NBDY: variants seen among roughly 807,000 people sequenced by gnomAD.
NBDY encodes the protein negative regulator of P-body association, also known as P-body dissociating protein.
At chrX:56,784,957 T>C (rs2069718606) in intron 2 of NBDY, among the ~76,000 whole-genome samples, 1 of 112,336 alleles carries the variant, frequency 8.9e-6, no homozygotes, top group Non-Finnish European at 1.9e-5. Context: ...TCTTCAAATA[T>C]TGCAAATGTT....
chrX:56,766,672 T>G (rs1246055901), intron 2 of NBDY, among the ~76,000 whole-genome samples: 1 of 111,880 alleles, frequency 8.9e-6, no homozygotes, highest in Admixed American at 9.4e-5. Flanking sequence ...TGCCATTTAT[T>G]GGGCAACTAG....
At chrX:56,808,349 T>C (rs2069865648) in intron 2 of NBDY, among the ~76,000 whole-genome samples, 1 of 112,046 alleles carries the variant, frequency 8.9e-6, no homozygotes. Flanking sequence ...CTCCTCTTTG[T>C]ACCTCTGGTA....
chrX:56,767,164 A>G lies in NBDY; in HGVS notation c.*166+34965A>G, dbSNP rs750318052. 8.8e-5 allele frequency among the ~76,000 whole-genome samples: 10 copies of G among 113,600 alleles called. No individual in the cohort carries two copies. In the East Asian group the frequency reaches 2.5e-3, roughly 28 times the overall value. ...GTCCTTCTGCCGTTTTCCAGTAGCCATGATTATACGTCCTTTCTCTTTTAC... is the reference window on the plus strand; with the variant it reads ...GTCCTTCTGCCGTTTTCCAGTAGCCGTGATTATACGTCCTTTCTCTTTTAC... On this transcript the variant is annotated intron_variant, in intron 2 of 2. Transcript: ENST00000374922.
chrX:56,781,459 G>T (rs1011253057), intron 2 of NBDY, among the ~76,000 whole-genome samples: 1 of 111,646 alleles, frequency 9.0e-6, no homozygotes. Context: ...CCGGGATTTA[G>T]GGGCTTATGC....
At chrX:56,787,151 C>T (rs1243220228) in intron 2 of NBDY, among the ~76,000 whole-genome samples, 6 of 111,097 alleles carry the variant, frequency 5.4e-5, no homozygotes, top group Admixed American at 3.9e-4. Context: ...TGCTGACTCT[C>T]ACTAACAAAG....
At chrX:56,785,470 C>T (rs2069722199) in intron 2 of NBDY, among the ~76,000 whole-genome samples, 1 of 111,276 alleles carries the variant, frequency 9.0e-6, no homozygotes, top group South Asian at 3.8e-4. Context: ...TCTGGCCAGA[C>T]ACCTTCATTC....
At chrX:56,781,455 T>A (rs1412091267) in intron 2 of NBDY, among the ~76,000 whole-genome samples, 1 of 111,419 alleles carries the variant, frequency 9.0e-6, no homozygotes, top group Non-Finnish European at 1.9e-5. Flanking sequence ...AGACCCGGGA[T>A]TTAGGGGCTT....
intron 2 of NBDY, among the ~76,000 whole-genome samples, chrX:56,808,166 G>A (rs1050638972): frequency 2.7e-5 from 3 of 111,965 alleles, no homozygotes; most frequent in East Asian, 2.8e-4. Context: ...GGATGAAGCC[G>A]ACTTGATCGT....
chrX:56,748,863 G>T (rs2069569718), intron 2 of NBDY, among the ~76,000 whole-genome samples: 1 of 100,933 alleles, frequency 9.9e-6, no homozygotes, highest in Non-Finnish European at 2.0e-5. Context: ...GATGGGATGA[G>T]AATGGAGGAT....
chrX:56,765,566 C>T (rs901141443), intron 2 of NBDY, among the ~76,000 whole-genome samples: 3 of 111,656 alleles, frequency 2.7e-5, no homozygotes, highest in Admixed American at 9.4e-5. Flanking sequence ...TATGTCACCA[C>T]GCGTTGAGGC....
At chrX:56,798,965 G>A (rs753977333) in intron 2 of NBDY, among the ~76,000 whole-genome samples, 99 of 112,167 alleles carry the variant, frequency 8.8e-4, no homozygotes, top group African/African-American at 3.1e-3. Context: ...ACTGTACTTG[G>A]CGTTTGTGGA....
At chrX:56,767,623 G>A (rs113104301) in intron 2 of NBDY, among the ~76,000 whole-genome samples, 11,299 of 113,182 alleles carry the variant, frequency 0.1, 1,136 homozygotes, top group African/African-American at 0.3. Context: ...GCAGTGAGGG[G>A]CTTAGCAACT....
chrX:56,800,738 G>C (rs1408896821), intron 2 of NBDY, among the ~76,000 whole-genome samples: 5 of 110,835 alleles, frequency 4.5e-5, no homozygotes, highest in Non-Finnish European at 9.4e-5. Context: ...CTGGTTTAGG[G>C]AGTTCAGGAT....
At chrX:56,787,918 TCTC>T (rs780492589) in intron 2 of NBDY, among the ~76,000 whole-genome samples, 7 of 112,730 alleles carry the variant, frequency 6.2e-5, no homozygotes, top group Non-Finnish European at 1.3e-4. Flanking sequence ...CCTTGGGAAG[TCTC>T]CTAGTCTGGG....
At chrX:56,744,331 T>A (rs183848730) in intron 2 of NBDY, among the ~76,000 whole-genome samples, 1 of 111,815 alleles carries the variant, frequency 8.9e-6, no homozygotes, top group Admixed American at 9.5e-5. Flanking sequence ...TCTGTAAATA[T>A]CTGTTAGGTC....
intron 1 of NBDY, among the ~76,000 whole-genome samples, chrX:56,731,392 C>G (rs1194110732): frequency 1.2e-5 from 1 of 84,354 alleles, no homozygotes; most frequent in Non-Finnish European, 2.4e-5. Flanking sequence ...AACCCCATCT[C>G]TACTAAAAGT....
chrX:56,794,587 A>G (rs1347482370), intron 2 of NBDY, among the ~76,000 whole-genome samples: 1 of 106,764 alleles, frequency 9.4e-6, no homozygotes, highest in Non-Finnish European at 1.9e-5. Flanking sequence ...AGAGGATCCT[A>G]TCCTCAATAC....
chrX:56,783,106 G>A (rs1373964022), intron 2 of NBDY, among the ~76,000 whole-genome samples: 1 of 112,952 alleles, frequency 8.9e-6, no homozygotes, highest in Non-Finnish European at 1.9e-5. Flanking sequence ...CACTCGGGCT[G>A]TAAATGGGGC....
intron 2 of NBDY, among the ~76,000 whole-genome samples, chrX:56,734,831 A>G (rs1468468463): frequency 8.9e-6 from 1 of 112,537 alleles, no homozygotes; most frequent in African/African-American, 3.2e-5. Flanking sequence ...TTCTCATCAC[A>G]TAATTTACAT....
Sources: allele counts gnomAD v4.1 joint callset (sites outside exome capture counted in the v4.1 genomes callset), GRCh38; gene constraint gnomAD v4.1.1; transcripts MANE v1.5; gene names NCBI Gene and HGNC (gene_info 2026-07-23, HGNC 2026-07-21).